Variants in VPS35L observed in about 807,000 individuals in gnomAD.
The protein encoded by VPS35L is VPS35 endosomal protein-sorting factor-like.
VPS35L carries 83 observed loss-of-function variants against 133.0 expected under a neutral mutation model. That is an observed-to-expected ratio of 0.62 (90% confidence interval 0.52 to 0.75). VPS35L has a LOEUF of 0.75. Among genes scored for constraint, VPS35L ranks in the 30% least tolerant of loss-of-function variants. The probability of loss-of-function intolerance (pLI) is 0.00; values close to 1 mark genes in which losing one functional copy is unlikely to be tolerated. For missense variants in VPS35L, 1,083 were observed against 1,206.8 expected (o/e 0.90, Z 1.52); for synonymous variants, 423 against 449.9 (o/e 0.94, Z 0.76).
intron 26 of VPS35L, among the ~76,000 whole-genome samples, chr16:19,655,679 CTGGAT>C (rs1320443856): frequency 6.6e-6 from 1 of 152,184 alleles, no homozygotes; most frequent in Non-Finnish European, 1.5e-5. Flanking sequence ...TGTGCATAGA[CTGGAT>C]TGTGCAGGGA....
At chr16:19,655,395 A>T (rs1186527766) in intron 26 of VPS35L, among the ~76,000 whole-genome samples, 1 of 152,236 alleles carries the variant, frequency 6.6e-6, no homozygotes, top group Non-Finnish European at 1.5e-5. Context: ...ATATAAATTA[A>T]ATGAAGCTCA....
chr16:19,675,322 A>C (rs2040752891), intron 27 of VPS35L, among the ~76,000 whole-genome samples: 1 of 150,734 alleles, frequency 6.6e-6, no homozygotes, highest in African/African-American at 2.4e-5. Flanking sequence ...AGCTCACTGC[A>C]GCGTGAGCCA....
intron 29 of VPS35L, among the ~76,000 whole-genome samples, chr16:19,692,543 C>A (rs1025332296): frequency 6.6e-6 from 1 of 151,732 alleles, no homozygotes; most frequent in African/African-American, 2.4e-5. Context: ...TCAACCAAGG[C>A]CTTTCCACTT....
chr16:19,573,812 C>CA (rs915111754), intron 4 of VPS35L, among the ~76,000 whole-genome samples: 60 of 151,460 alleles, frequency 4.0e-4, no homozygotes, highest in African/African-American at 1.4e-3. Context: ...GACCCTATCT[C>CA]AAAAAAAATT....
chr16:19,587,692 C>CA (rs1971913360), intron 7 of VPS35L, among the ~76,000 whole-genome samples: 1 of 149,458 alleles, frequency 6.7e-6, no homozygotes, highest in South Asian at 2.1e-4. Flanking sequence ...ACTTAAAAAA[C>CA]AAAAAAACAA....
At chr16:19,675,083 G>C (rs956457363) in intron 27 of VPS35L, among the ~76,000 whole-genome samples, 1 of 151,506 alleles carries the variant, frequency 6.6e-6, no homozygotes, top group African/African-American at 2.4e-5. Flanking sequence ...TCTTTGAATA[G>C]TTGGGACCAC....
chr16:19,686,731 C>T (rs1010951922), intron 28 of VPS35L, among the ~76,000 whole-genome samples: 44 of 152,164 alleles, frequency 2.9e-4, no homozygotes, highest in African/African-American at 1.0e-3. Context: ...CAAATGCGCC[C>T]TTTTCTCCTT....
chr16:19,578,024 A>G (rs1260922101), intron 5 of VPS35L, among the ~76,000 whole-genome samples: 1 of 152,210 alleles, frequency 6.6e-6, no homozygotes, highest in Non-Finnish European at 1.5e-5. Context: ...GCATTCCACT[A>G]CTAGGGGTAT....
intron 27 of VPS35L, among the ~76,000 whole-genome samples, chr16:19,674,955 C>CTTT (rs566657093): frequency 0.021 from 2,945 of 142,830 alleles, 34 homozygotes; most frequent in Middle Eastern, 0.043. Context: ...TCTTTTCTTT[C>CTTT]TTTTTTTTTT....
rs759794678 is a variant in VPS35L at position 19,640,138 on chromosome 16, A to G, written c.1784+38A>G. On this transcript the variant is annotated intron_variant, in intron 21 of 30. Coordinates refer to ENST00000417362, the MANE Select transcript of VPS35L (RefSeq NM_020314.7). ...GCGTGCAGCAGAAGCCTTGATTCCCAATGTCCTTGTGAAACCTGTTGATAA... is the reference window on the plus strand; with the variant it reads ...GCGTGCAGCAGAAGCCTTGATTCCCGATGTCCTTGTGAAACCTGTTGATAA... 19 of 1,569,948 alleles carry G rather than the reference A, an allele frequency of 1.2e-5. 1 individual carries two copies. The South Asian group carries it at 1.9e-4, about 16-fold the overall frequency.
Position 19,699,758 on chromosome 16 carries a change from T to C in VPS35L, c.2793+110T>C. ...GACAGACAACCCCATACTCCCCTTT[T>C]AGAAAAGCACTTGGTCCATTTCTAC... On this transcript the variant is annotated intron_variant, in intron 30 of 30. Coordinates refer to ENST00000417362, the MANE Select transcript of VPS35L (RefSeq NM_020314.7). The surrounding 1 kb of genome is among the most constrained non-coding windows in gnomAD (Gnocchi z 4.2). 1 of 1,410,778 alleles carries C rather than the reference T, an allele frequency of 7.1e-7. No homozygotes were observed. Among genetic ancestry groups the C allele is most frequent in the Non-Finnish European group, 9.7e-7 (1 of 1,030,678 alleles). The allele number at this position is 1,410,778 out of a possible 1,614,324, so 87.4% of individuals were successfully genotyped here.
rs1397827373 is a variant in VPS35L at position 19,682,515 on chromosome 16, G to GTTCT, written c.2527+125_2527+126insTTCT. ...TTAGCTTCCATGAACTTCTAGTCCA[G>GTTCT]GGTCTCACTGTATTTACCTGATCTA... On this transcript the variant is annotated intron_variant, in intron 28 of 30. Transcript: ENST00000417362. 43 of 1,069,030 alleles carry GTTCT rather than the reference G, an allele frequency of 4.0e-5. No homozygotes were observed. In the African/African-American group the frequency reaches 6.7e-4, roughly 17 times the overall value. 66.2% of individuals were successfully genotyped at this position (1,069,030 alleles called of 1,614,324 possible).
At chr16:19,577,457 C>T (rs1357441486) in intron 5 of VPS35L, among the ~76,000 whole-genome samples, 1 of 152,230 alleles carries the variant, frequency 6.6e-6, no homozygotes, top group Admixed American at 6.5e-5. Context: ...CAGGCCCCAC[C>T]TCCAACACTG....
intron 14 of VPS35L, among the ~76,000 whole-genome samples, chr16:19,620,350 T>C (rs978959165): frequency 6.6e-6 from 1 of 152,188 alleles, no homozygotes; most frequent in African/African-American, 2.4e-5. Flanking sequence ...CCCCAAAAAG[T>C]ATGCATGTAA....
At chr16:19,578,999 G>A in intron 5 of VPS35L, 53 bp from the exon 6 acceptor site, 1 of 1,437,752 alleles carries the variant, frequency 7.0e-7, no homozygotes, top group South Asian at 1.2e-5. Flanking sequence ...CTCCACTGGG[G>A]GTATTGGTGC....
intron 19 of VPS35L, among the ~76,000 whole-genome samples, chr16:19,634,679 A>T (rs1034398844): frequency 6.6e-6 from 1 of 152,218 alleles, no homozygotes; most frequent in African/African-American, 2.4e-5. Context: ...CAGTAAAGAC[A>T]AGAATTGTCT....
At chr16:19,591,704 A>G in intron 7 of VPS35L, 86 bp from the exon 8 acceptor site, 1 of 1,018,618 alleles carries the variant, frequency 9.8e-7, no homozygotes, top group South Asian at 1.4e-5. Flanking sequence ...ACTTGTATAT[A>G]GAAACCATTA....
At chr16:19,557,683 C>T (rs538425166) in intron 1 of VPS35L, among the ~76,000 whole-genome samples, 21 of 152,190 alleles carry the variant, frequency 1.4e-4, no homozygotes, top group Admixed American at 1.2e-3. Context: ...ACACCCGGCC[C>T]GTGCTCTGAA....
Position 19,615,399 on chromosome 16 carries a change from C to T in VPS35L, c.1024-715C>T, listed in dbSNP as rs187393276. 5.8e-4 allele frequency among the ~76,000 whole-genome samples: 89 copies of T among 152,282 alleles called. No individual in the cohort carries two copies. The East Asian group carries it at 0.012, about 20-fold the overall frequency. ...GCGTGGTGGCTCACACCTGTAATCC[C>T]AGCACTTTGGTAGGCCGAGGCAGGC... On this transcript the variant is annotated intron_variant, in intron 12 of 30. Coordinates refer to ENST00000417362, the MANE Select transcript of VPS35L (RefSeq NM_020314.7).
Sources: gnomAD v4.1 joint callset for allele counts (sites outside exome capture counted in the v4.1 genomes callset) on GRCh38, gnomAD v4.1.1 for gene constraint, Gnocchi (gnomAD v3.1) non-coding constraint, MANE v1.5 for transcripts, NCBI Gene and HGNC (gene_info 2026-07-23, HGNC 2026-07-21) for gene names.